The following JAZF1 variants were observed in gnomAD, a reference collection of about 807,000 sequenced individuals.
JAZF1 encodes JAZF zinc finger 1, also known as juxtaposed with another zinc finger protein 1.
In JAZF1, 8 loss-of-function variants were observed where a neutral mutation model predicts 26.4. That is an observed-to-expected ratio of 0.30 (90% CI 0.18 to 0.55). The LOEUF is 0.55. JAZF1 is among the 20% of genes least tolerant of loss of function. The probability of loss-of-function intolerance (pLI) is 0.94; values close to 1 mark genes in which losing one functional copy is unlikely to be tolerated. For synonymous variants in JAZF1, 126 were observed against 122.3 expected (o/e 1.03, Z -0.20); for missense variants, 199 against 322.0 (o/e 0.62, Z 2.92).
At chr7:28,020,847 C>T in intron 1 of JAZF1, 1 of 374,540 alleles carries the variant, frequency 2.7e-6, no homozygotes. Flanking sequence ...GAAATGAAAA[C>T]TGCAGCTGCT....
At chr7:27,839,235 C>T (rs750173230) in intron 4 of JAZF1, among the ~76,000 whole-genome samples, 2 of 152,186 alleles carry the variant, frequency 1.3e-5, no homozygotes, top group South Asian at 2.1e-4. Context: ...TTAACATGGC[C>T]GAGGTGCAAG....
intron 2 of JAZF1, among the ~76,000 whole-genome samples, chr7:27,903,013 C>CT (rs1285359308): frequency 9.2e-4 from 47 of 51,118 alleles, no homozygotes; most frequent in African/African-American, 2.8e-3. Flanking sequence ...GAGACTCCGT[C>CT]TTAAAAAAAA....
At chr7:28,105,115 A>G (rs572328540) in intron 1 of JAZF1, among the ~76,000 whole-genome samples, 1 of 151,412 alleles carries the variant, frequency 6.6e-6, no homozygotes, top group East Asian at 1.9e-4. Flanking sequence ...ACATGTCCGG[A>G]TTTTTTTTTA....
intron 1 of JAZF1, among the ~76,000 whole-genome samples, chr7:28,149,680 A>G (rs1002861763): frequency 6.6e-6 from 1 of 152,204 alleles, no homozygotes; most frequent in African/African-American, 2.4e-5. Context: ...TTGATCTTCA[A>G]TTTGAATCAG....
At chr7:27,967,878 G>T (rs1413747376) in intron 2 of JAZF1, among the ~76,000 whole-genome samples, 1 of 152,192 alleles carries the variant, frequency 6.6e-6, no homozygotes, top group African/African-American at 2.4e-5. Flanking sequence ...CAGTATTGTG[G>T]TCCCACCATT....
At chr7:27,965,006 A>C (rs961476043) in intron 2 of JAZF1, among the ~76,000 whole-genome samples, 2 of 152,292 alleles carry the variant, frequency 1.3e-5, no homozygotes, top group South Asian at 4.1e-4. Context: ...GAATGACTAG[A>C]AATGAGCTGT....
chr7:27,863,759 G>A (rs35971552), intron 3 of JAZF1: 25,024 of 152,164 alleles, frequency 0.16, 2,300 homozygotes, highest in Middle Eastern at 0.25. Context: ...TTGTGACTAC[G>A]CGATGTGGTT....
chr7:27,915,759 T>G (rs1784436412), intron 2 of JAZF1, among the ~76,000 whole-genome samples: 2 of 152,154 alleles, frequency 1.3e-5, no homozygotes, highest in Non-Finnish European at 2.9e-5. Flanking sequence ...ATCATCCCAC[T>G]GAAAAGGGCA....
chr7:27,941,415 C>T (rs1279984351), intron 2 of JAZF1, among the ~76,000 whole-genome samples: 1 of 152,154 alleles, frequency 6.6e-6, no homozygotes, highest in African/African-American at 2.4e-5. Flanking sequence ...CTTTATTCAG[C>T]CTTAATGAGT....
At chr7:27,984,652 T>G (rs892867312) in intron 2 of JAZF1, among the ~76,000 whole-genome samples, 1 of 152,194 alleles carries the variant, frequency 6.6e-6, no homozygotes, top group African/African-American at 2.4e-5. Context: ...GAACATACAT[T>G]CTTCTCAGCA....
chr7:28,041,812 C>G (rs535023342), intron 1 of JAZF1, among the ~76,000 whole-genome samples: 28 of 152,172 alleles, frequency 1.8e-4, no homozygotes, highest in Non-Finnish European at 3.4e-4. Flanking sequence ...TTCTCATACC[C>G]ACAAATGCTA....
chr7:27,848,293 C>G (rs1001385674), intron 3 of JAZF1, among the ~76,000 whole-genome samples: 3 of 152,036 alleles, frequency 2.0e-5, no homozygotes, highest in Non-Finnish European at 2.9e-5. Flanking sequence ...AAATTTATTC[C>G]TTTTTTTGAT....
chr7:27,970,957 A>G (rs559587956), intron 2 of JAZF1, among the ~76,000 whole-genome samples: 1 of 152,354 alleles, frequency 6.6e-6, no homozygotes, highest in Admixed American at 6.5e-5. Flanking sequence ...GGTGTTAAAG[A>G]GAGCTAAGAG....
At chr7:27,871,813 T>A (rs1783588334) in intron 3 of JAZF1, among the ~76,000 whole-genome samples, 1 of 152,186 alleles carries the variant, frequency 6.6e-6, no homozygotes, top group Non-Finnish European at 1.5e-5. Flanking sequence ...ATGGTTCAAG[T>A]GGGCAGAACT....
chr7:27,924,357 TGAGCCA>T, intron 2 of JAZF1, among the ~76,000 whole-genome samples: 1 of 152,320 alleles, frequency 6.6e-6, no homozygotes, highest in East Asian at 1.9e-4. Flanking sequence ...ATTACAGGCG[TGAGCCA>T]GTGTGCCCAG....
chr7:27,885,938 T>A (rs1783854168), intron 3 of JAZF1, among the ~76,000 whole-genome samples: 1 of 152,076 alleles, frequency 6.6e-6, no homozygotes, highest in African/African-American at 2.4e-5. Flanking sequence ...GAGCAAAAAA[T>A]GTTTTGATTT....
chr7:27,995,682 T>C (rs1280441167), intron 1 of JAZF1, among the ~76,000 whole-genome samples: 1 of 152,202 alleles, frequency 6.6e-6, no homozygotes, highest in East Asian at 1.9e-4. Context: ...GCAATGTGTC[T>C]ATCTTTATTT....
At chr7:28,180,161 C>G (rs1783617921) in intron 1 of JAZF1, among the ~76,000 whole-genome samples, 1 of 144,956 alleles carries the variant, frequency 6.9e-6, no homozygotes, top group Non-Finnish European at 1.5e-5. Flanking sequence ...CCCGCCGCCC[C>G]GCCGCGGCGC....
intron 1 of JAZF1, among the ~76,000 whole-genome samples, chr7:28,089,342 G>A (rs1050144340): frequency 3.9e-5 from 6 of 152,058 alleles, no homozygotes; most frequent in African/African-American, 9.7e-5. Context: ...CCAGGAAGAG[G>A]GCCTTACCAG....
Sources: allele counts gnomAD v4.1 joint callset (sites outside exome capture counted in the v4.1 genomes callset), GRCh38; gene constraint gnomAD v4.1.1; transcripts MANE v1.5; gene names NCBI Gene and HGNC (gene_info 2026-07-23, HGNC 2026-07-21).